The following NUP98 variants were observed in gnomAD, a reference collection of about 807,000 sequenced individuals.
The protein encoded by NUP98 is nuclear pore complex protein Nup98-Nup96.
NUP98 carries 26 observed loss-of-function variants against 191.9 expected under a neutral mutation model. The observed-to-expected ratio is 0.14, with a 90% CI of 0.10 to 0.19. The LOEUF (loss-of-function observed/expected upper bound fraction) is 0.19. Ranked by LOEUF, NUP98 falls within the 10% of genes least tolerant of loss-of-function variation. The pLI is 1.00. For missense variants in NUP98, 1,941 were observed against 2,178.8 expected, an observed-to-expected ratio of 0.89 and a Z score of 2.17; for synonymous variants, 808 against 778.4, an observed-to-expected ratio of 1.04 and a Z score of -0.63.
intron 1 of NUP98, among the ~76,000 whole-genome samples, chr11:3,791,184 T>G (rs374951404): frequency 6.6e-6 from 1 of 151,984 alleles, no homozygotes; most frequent in Non-Finnish European, 1.5e-5. Context: ...CGTGAGCCAC[T>G]GCGCCCCGCC....
Position 3,675,551 on chromosome 11 carries a change from A to T in NUP98, c.*608T>A, listed in dbSNP as rs1413034240. On this transcript the variant is annotated 3_prime_UTR_variant, in exon 33 of 33. Transcript: ENST00000324932. ...CATGGAACTCTAAAGGCAGGAACAA[A>T]AACAGCCCTGAAGATCAATCCCTCC... 4.3e-6 allele frequency: 1 copy of T among 234,304 alleles called. No individual in the cohort carries two copies. Among genetic ancestry groups the T allele is most frequent in the South Asian group, 1.7e-4 (1 of 6,058 alleles). The allele number at this position is 234,304 out of a possible 1,614,324, so 14.5% of individuals were successfully genotyped here. A position where few individuals can be genotyped will look rare whatever the true frequency, so the allele number is the denominator to read the frequency against.
chr11:3,689,940 ATTTTTTTTTTTTTTTTT>A lies in NUP98; in HGVS notation c.4454+1390_4454+1406del, dbSNP rs989043726. Among the ~76,000 whole-genome samples, 3 of 73,574 alleles carry A rather than the reference ATTTTTTTTTTTTTTTTT, an allele frequency of 4.1e-5. No individual in the cohort carries two copies. In the South Asian group the frequency reaches 1.4e-3, roughly 33 times the overall value. The allele number at this position is 73,574 out of a possible 152,430, so 48.3% of individuals were successfully genotyped here. A position where few individuals can be genotyped will look rare whatever the true frequency, so the allele number is the denominator to read the frequency against. The stretch of plus-strand genomic sequence containing the variant: ...GTGTGAGCCACCATGGCTGGCCTGC[ATTTTTTTTTTTTTTTTT>A]TTTTTTTTTTGAGACAAAGAGTCTT... On this transcript the variant is annotated intron_variant, in intron 28 of 32. Transcript: ENST00000324932.
intron 4 of NUP98, 127 bp from the exon 5 acceptor site, chr11:3,776,148 G>A (rs1408170939): frequency 1.6e-6 from 1 of 641,970 alleles, no homozygotes; most frequent in African/African-American, 1.9e-5. Context: ...TTGAGACAGG[G>A]TCTTGCTCTG....
chr11:3,733,017 C>T (rs2079902916), intron 13 of NUP98, among the ~76,000 whole-genome samples: 1 of 152,186 alleles, frequency 6.6e-6, no homozygotes, highest in East Asian at 1.9e-4. Flanking sequence ...ATGATCTTTT[C>T]ACTAGTATAT....
chr11:3,757,666 G>A (rs560216675), intron 10 of NUP98, among the ~76,000 whole-genome samples: 1 of 152,036 alleles, frequency 6.6e-6, no homozygotes, highest in Admixed American at 6.6e-5. Flanking sequence ...GGGCGTGGTG[G>A]TGCATGCCTG....
At chr11:3,693,416 T>A (rs2078385620) in intron 26 of NUP98, 41 bp from the exon 27 acceptor site, 1 of 1,599,986 alleles carries the variant, frequency 6.3e-7, no homozygotes, top group Admixed American at 1.7e-5. Context: ...TATTCTACCT[T>A]GTTATTACCT....
chr11:3,735,132 T>C, intron 13 of NUP98, 59 bp downstream of exon 13: 3 of 1,462,278 alleles, frequency 2.1e-6, no homozygotes, highest in South Asian at 2.9e-5. Flanking sequence ...AATTACATTC[T>C]GCACATTCAG....
intron 21 of NUP98, among the ~76,000 whole-genome samples, chr11:3,706,143 T>C (rs1423741455): frequency 6.6e-6 from 1 of 152,026 alleles, no homozygotes; most frequent in African/African-American, 2.4e-5. Context: ...CACTCCAGCC[T>C]GGGCGACAGA....
chr11:3,760,433 C>G (rs137967108), intron 10 of NUP98, 106 bp downstream of exon 10: 90 of 1,482,132 alleles, frequency 6.1e-5, no homozygotes, highest in Non-Finnish European at 8.3e-5. Flanking sequence ...AGGAGAATAA[C>G]GTGTGGTATA....
intron 18 of NUP98, among the ~76,000 whole-genome samples, chr11:3,715,987 C>T (rs931742883): frequency 6.6e-6 from 1 of 152,060 alleles, no homozygotes; most frequent in African/African-American, 2.4e-5. Flanking sequence ...GGCTATGAAC[C>T]CCTTATCAAA....
At chr11:3,720,163 T>G (rs1486108992) in intron 17 of NUP98, among the ~76,000 whole-genome samples, 1 of 152,202 alleles carries the variant, frequency 6.6e-6, no homozygotes, top group Non-Finnish European at 1.5e-5. Flanking sequence ...CCTTCGCACT[T>G]GGCCTGGCAT....
chr11:3,705,136 A>C (rs1383844913), intron 22 of NUP98, 64 bp downstream of exon 22: 14 of 1,523,230 alleles, frequency 9.2e-6, no homozygotes, highest in Middle Eastern at 1.7e-4. Flanking sequence ...AGAAGAAGAA[A>C]AGTGAAAAGC....
chr11:3,695,935 T>C (rs959408814), intron 25 of NUP98, among the ~76,000 whole-genome samples: 9 of 152,202 alleles, frequency 5.9e-5, no homozygotes, highest in African/African-American at 2.2e-4. Context: ...CTAATGCCTG[T>C]AATCCCAGCA....
intron 11 of NUP98, among the ~76,000 whole-genome samples, chr11:3,752,360 T>C (rs1375737842): frequency 6.6e-6 from 1 of 151,050 alleles, no homozygotes; most frequent in African/African-American, 2.4e-5. Flanking sequence ...CTACTAAAAA[T>C]ACAATAATTA....
At chr11:3,774,418 C>T (rs2081637785) in intron 5 of NUP98, among the ~76,000 whole-genome samples, 1 of 150,414 alleles carries the variant, frequency 6.6e-6, no homozygotes, top group South Asian at 2.1e-4. Context: ...TCTCAAAAAA[C>T]AGCAACAACA....
At position 3,744,592 on chromosome 11, in the gene NUP98, G is replaced by A; in HGVS notation, c.1325C>T (p.Pro442Leu). Residue 442 changes from proline (P) to leucine (L), a missense_variant, in exon 12 of 33, where the codon CCT becomes CTT. By Grantham distance (98) the Pro-to-Leu change is moderately conservative. Around this residue, in one of 6 missense-constraint regions of NUP98, gnomAD observed 453 missense variants for 438.2 expected, o/e 1.03. Coordinates refer to ENST00000324932, the MANE Select transcript of NUP98 (RefSeq NM_016320.5). ...GGCCCCAAAGGCTCCTGTACCAAGA[G>A]GCCCTCCAATCTTAGGTTGGTTGTT... ...FGNNQPKIGG[P>L]LGTGAFGAPG... 1.2e-6 allele frequency: 2 copies of A among 1,613,558 alleles called. No homozygotes were observed. Among genetic ancestry groups the A allele is most frequent in the Non-Finnish European group, 1.7e-6 (2 of 1,179,620 alleles).
At chr11:3,775,533 T>A (rs2081686742) in intron 5 of NUP98, among the ~76,000 whole-genome samples, 1 of 149,834 alleles carries the variant, frequency 6.7e-6, no homozygotes, top group African/African-American at 2.5e-5. Context: ...CGAAACTCCA[T>A]CTTAAAAAAA....
intron 28 of NUP98, among the ~76,000 whole-genome samples, chr11:3,688,786 C>CTT (rs2078209446): frequency 1.2e-5 from 1 of 85,470 alleles, no homozygotes; most frequent in African/African-American, 4.5e-5. Context: ...CAGAGAGAGA[C>CTT]TGTCTCGAAA....
At chr11:3,676,706 A>AC in intron 31 of NUP98, 86 bp from the exon 32 acceptor site, 1 of 1,074,238 alleles carries the variant, frequency 9.3e-7, no homozygotes, top group South Asian at 1.2e-5. Flanking sequence ...AAACCTTGAA[A>AC]CAACAGTGAG....
Sources: allele counts gnomAD v4.1 joint callset (sites outside exome capture counted in the v4.1 genomes callset), GRCh38; gene constraint gnomAD v4.1.1; regional missense constraint gnomAD v4.1.1; transcripts MANE v1.5; gene names NCBI Gene and HGNC (gene_info 2026-07-23, HGNC 2026-07-21).